The following UPRT variants were observed in gnomAD, a reference collection of about 807,000 sequenced individuals.
The protein encoded by UPRT is uracil phosphoribosyltransferase homolog.
UPRT carries 5 observed loss-of-function variants against 22.6 expected under a neutral mutation model. The observed-to-expected ratio is 0.22, with a 90% CI of 0.12 to 0.47. The LOEUF is 0.47. UPRT is among the 20% of genes least tolerant of loss of function. UPRT has a pLI of 0.99. For missense variants in UPRT, 181 were observed against 239.9 expected (o/e 0.75, Z 1.62); for synonymous variants, 77 against 87.7 (o/e 0.88, Z 0.68).
At chrX:75,289,206 C>A (rs2082695325) in intron 1 of UPRT, among the ~76,000 whole-genome samples, 1 of 110,769 alleles carries the variant, frequency 9.0e-6, no homozygotes, top group South Asian at 3.9e-4. Flanking sequence ...AAAAAAGTTC[C>A]ATTTACAATA....
At chrX:75,293,003 A>T (rs2082713687) in intron 1 of UPRT, among the ~76,000 whole-genome samples, 1 of 112,096 alleles carries the variant, frequency 8.9e-6, no homozygotes, top group Non-Finnish European at 1.9e-5. Flanking sequence ...GGATTTATTT[A>T]TTGGTACCAT....
intron 4 of UPRT, among the ~76,000 whole-genome samples, chrX:75,203,233 G>T (rs2082352320): frequency 9.0e-6 from 1 of 111,399 alleles, no homozygotes; most frequent in East Asian, 2.8e-4. Flanking sequence ...AATCAATTCA[G>T]CAAGAAGAGC....
intron 4 of UPRT, among the ~76,000 whole-genome samples, chrX:75,186,493 A>T (rs1331126691): frequency 2.7e-5 from 3 of 111,713 alleles, no homozygotes; most frequent in African/African-American, 9.8e-5. Context: ...AAAAATGTAT[A>T]TTCTGTTGAG....
At chrX:75,287,281 A>C (rs1213170460) in intron 1 of UPRT, among the ~76,000 whole-genome samples, 2 of 111,894 alleles carry the variant, frequency 1.8e-5, no homozygotes, top group Admixed American at 1.9e-4. Context: ...GAATCCCTCC[A>C]TTTAGAAGTT....
intron 4 of UPRT, among the ~76,000 whole-genome samples, chrX:75,237,959 A>C (rs2082474773): frequency 9.0e-6 from 1 of 111,571 alleles, no homozygotes; most frequent in Admixed American, 9.6e-5. Flanking sequence ...AATAATAAAA[A>C]AAGGAATGTT....
At chrX:75,183,040 T>A (rs2082276095) in intron 4 of UPRT, among the ~76,000 whole-genome samples, 1 of 110,872 alleles carries the variant, frequency 9.0e-6, no homozygotes, top group Non-Finnish European at 1.9e-5. Context: ...ATTATTATTA[T>A]ACTTTAAGTT....
At chrX:75,291,304 C>T (rs2082706379) in intron 1 of UPRT, 2 of 268,725 alleles carry the variant, frequency 7.4e-6, no homozygotes, top group African/African-American at 2.9e-5. Context: ...GGGATGTGTG[C>T]ATGTGTGTTT....
intron 4 of UPRT, among the ~76,000 whole-genome samples, chrX:75,258,577 C>T (rs2082557043): frequency 8.9e-6 from 1 of 111,884 alleles, no homozygotes; most frequent in Non-Finnish European, 1.9e-5. Flanking sequence ...CTCTAGATTC[C>T]TCCTCTCTGG....
At chrX:75,240,569 GCAA>G (rs778140238) in intron 4 of UPRT, among the ~76,000 whole-genome samples, 3 of 111,581 alleles carry the variant, frequency 2.7e-5, no homozygotes, top group Admixed American at 1.9e-4. Context: ...CACAGAGCTA[GCAA>G]CAACAATTCT....
intron 4 of UPRT, among the ~76,000 whole-genome samples, chrX:75,260,417 C>A (rs1466752256): frequency 9.0e-6 from 1 of 111,366 alleles, no homozygotes; most frequent in Non-Finnish European, 1.9e-5. Context: ...ATCTACCAAA[C>A]AAATGGAAAG....
chrX:75,224,042 A>AT (rs988738927), intron 4 of UPRT, among the ~76,000 whole-genome samples: 19 of 110,627 alleles, frequency 1.7e-4, no homozygotes, highest in Non-Finnish European at 3.2e-4. Context: ...TCCTACAGTG[A>AT]TTTTTTTTAT....
At chrX:75,216,298 T>A (rs1475052407) in intron 4 of UPRT, among the ~76,000 whole-genome samples, 1 of 112,078 alleles carries the variant, frequency 8.9e-6, no homozygotes, top group Non-Finnish European at 1.9e-5. Flanking sequence ...AAAAAATATT[T>A]GACAAAATTC....
intron 4 of UPRT, among the ~76,000 whole-genome samples, chrX:75,183,478 A>T (rs2082278353): frequency 8.9e-6 from 1 of 111,971 alleles, no homozygotes; most frequent in African/African-American, 3.2e-5. Flanking sequence ...TGCCGCAGTA[A>T]ACATATGTGT....
chrX:75,220,221 A>G (rs2082405576), intron 4 of UPRT, among the ~76,000 whole-genome samples: 1 of 110,438 alleles, frequency 9.1e-6, no homozygotes, highest in African/African-American at 3.3e-5. Context: ...TGATATAACT[A>G]CACTTGTTCT....
intron 4 of UPRT, among the ~76,000 whole-genome samples, chrX:75,236,963 T>A (rs1354530046): frequency 8.9e-6 from 1 of 112,097 alleles, no homozygotes; most frequent in Non-Finnish European, 1.9e-5. Context: ...CTAATTCAAC[T>A]AAAGAGCTTC....
chrX:75,272,310 GTGTATATATACATATATA>G (rs2082611586), upstream of UPRT, among the ~76,000 whole-genome samples: 3 of 88,452 alleles, frequency 3.4e-5, no homozygotes, highest in Admixed American at 3.9e-4. Context: ...GTATATATAT[GTGTATATATACATATATA>G]TGTATATATA....
At chrX:75,162,839 G>A (rs187035756) in intron 2 of UPRT, among the ~76,000 whole-genome samples, 287 of 111,700 alleles carry the variant, frequency 2.6e-3, no homozygotes, top group African/African-American at 8.8e-3. Flanking sequence ...AGGAAACTCA[G>A]GTACATCGAG....
At chrX:75,246,524 T>C (rs1345084556) in intron 4 of UPRT, among the ~76,000 whole-genome samples, 1 of 111,032 alleles carries the variant, frequency 9.0e-6, no homozygotes, top group Non-Finnish European at 1.9e-5. Context: ...TTTCGGTTGG[T>C]TCCAAGTCTT....
intron 6 of UPRT, 112 bp downstream of exon 6, chrX:75,301,077 C>T: frequency 4.1e-6 from 2 of 483,963 alleles, no homozygotes; most frequent in East Asian, 8.0e-5. Context: ...CACATTAAAT[C>T]TGAATCTAAT....
Sources: gnomAD v4.1 joint callset for allele counts (sites outside exome capture counted in the v4.1 genomes callset) on GRCh38, gnomAD v4.1.1 for gene constraint, MANE v1.5 for transcripts, NCBI Gene and HGNC (gene_info 2026-07-23, HGNC 2026-07-21) for gene names.